The following EPCIP variants were observed in gnomAD, a reference collection of about 807,000 sequenced individuals.
EPCIP encodes the protein exosomal polycystin 1 interacting protein, also known as exosomal polycystin-1-interacting protein.
chr21:32,811,668 A>C, the EPCIP span, among the ~76,000 whole-genome samples: 1 of 152,194 alleles, frequency 6.6e-6, no homozygotes, highest in Non-Finnish European at 1.5e-5. Flanking sequence ...CTATATGTGT[A>C]TAGAACCCTC....
the EPCIP span, among the ~76,000 whole-genome samples, chr21:32,804,275 T>TTA: frequency 0.65 from 92,006 of 140,752 alleles, 30,573 homozygotes; most frequent in East Asian, 0.84. Flanking sequence ...ATGCATGTGA[T>TTA]TATATATATA....
chr21:32,809,890 A>G, the EPCIP span, among the ~76,000 whole-genome samples: 1 of 151,896 alleles, frequency 6.6e-6, no homozygotes, highest in African/African-American at 2.4e-5. Flanking sequence ...ACATCAGTCT[A>G]TTGTAAGATA....
chr21:32,809,292 C>CTTTCT, the EPCIP span, among the ~76,000 whole-genome samples: 2 of 116,264 alleles, frequency 1.7e-5, no homozygotes, highest in African/African-American at 6.2e-5. Context: ...TTCTTTCTTT[C>CTTTCT]TTTCTTTCTT....
chr21:32,811,790 G>A, the EPCIP span, among the ~76,000 whole-genome samples: 1 of 152,242 alleles, frequency 6.6e-6, no homozygotes, highest in Non-Finnish European at 1.5e-5. Flanking sequence ...CTTTAAGAGG[G>A]CGGTGCCCTC....
chr21:32,810,421 A>ATT, the EPCIP span, among the ~76,000 whole-genome samples: 34 of 122,608 alleles, frequency 2.8e-4, no homozygotes, highest in East Asian at 4.4e-3. Flanking sequence ...ATGCCCGGTA[A>ATT]TTTTTTTTTT....
the EPCIP span, chr21:32,813,569 A>C: frequency 2.1e-6 from 1 of 470,576 alleles, no homozygotes; most frequent in African/African-American, 2.0e-5. Flanking sequence ...TTTTTAAAAA[A>C]GAAGAACACA....
the EPCIP span, among the ~76,000 whole-genome samples, chr21:32,801,094 A>T: frequency 6.6e-6 from 1 of 152,190 alleles, no homozygotes. Context: ...CCACGAAGGA[A>T]CCGACGGCCC....
chr21:32,806,151 A>T, the EPCIP span, among the ~76,000 whole-genome samples: 1 of 152,156 alleles, frequency 6.6e-6, no homozygotes, highest in Non-Finnish European at 1.5e-5. Flanking sequence ...CTGAGATGTG[A>T]GGCACAAGTG....
chr21:32,800,461 A>G, the EPCIP span, among the ~76,000 whole-genome samples: 1 of 152,228 alleles, frequency 6.6e-6, no homozygotes, highest in Non-Finnish European at 1.5e-5. Flanking sequence ...GTTTTTAAAC[A>G]TGTCCAGTGA....
chr21:32,804,320 A>G, the EPCIP span, among the ~76,000 whole-genome samples: 84 of 148,474 alleles, frequency 5.7e-4, no homozygotes, highest in African/African-American at 2.1e-3. Context: ...TTATTTATTT[A>G]TTTTGTTTAG....
the EPCIP span, among the ~76,000 whole-genome samples, chr21:32,804,079 A>G: frequency 2.0e-5 from 3 of 152,176 alleles, no homozygotes; most frequent in African/African-American, 7.2e-5. Flanking sequence ...GGAATTATGC[A>G]GGCAAAATTA....
the EPCIP span, among the ~76,000 whole-genome samples, chr21:32,802,863 C>T: frequency 6.6e-6 from 1 of 152,186 alleles, no homozygotes; most frequent in African/African-American, 2.4e-5. Flanking sequence ...CTCACTGCAA[C>T]CTCCCACTCC....
chr21:32,804,581 C>T, the EPCIP span, among the ~76,000 whole-genome samples: 7 of 151,932 alleles, frequency 4.6e-5, 1 homozygote, highest in Admixed American at 3.3e-4. Flanking sequence ...TATTACCATG[C>T]TCTGTGAGGG....
chr21:32,806,505 A>G, the EPCIP span, among the ~76,000 whole-genome samples: 1 of 152,230 alleles, frequency 6.6e-6, no homozygotes, highest in Non-Finnish European at 1.5e-5. Flanking sequence ...GGAGGAGGCA[A>G]GGACCTGTAT....
At chr21:32,812,242 G>C in the EPCIP span, among the ~76,000 whole-genome samples, 1 of 152,180 alleles carries the variant, frequency 6.6e-6, no homozygotes, top group African/African-American at 2.4e-5. Context: ...TTCCCCTTGA[G>C]TGACTTGGTA....
At chr21:32,793,677 C>A in the EPCIP span, 1 of 1,245,864 alleles carries the variant, frequency 8.0e-7, no homozygotes, top group Admixed American at 1.7e-5. Context: ...GTAGGGATAC[C>A]TATCTCACGG....
the EPCIP span, among the ~76,000 whole-genome samples, chr21:32,809,308 C>CTTTCTTTCTTTCTTTCT: frequency 7.6e-6 from 1 of 131,960 alleles, no homozygotes; most frequent in Non-Finnish European, 1.6e-5. Flanking sequence ...TTCTTTCTTT[C>CTTTCTTTCTTTCTTTCT]TTTCTTTCTT....
the EPCIP span, among the ~76,000 whole-genome samples, chr21:32,810,972 G>A: frequency 2.0e-5 from 3 of 152,294 alleles, no homozygotes; most frequent in South Asian, 6.2e-4. Flanking sequence ...CATGTATGTT[G>A]TATACTGAAA....
the EPCIP span, chr21:32,793,516 C>T: frequency 8.7e-6 from 5 of 573,702 alleles, no homozygotes; most frequent in South Asian, 2.1e-5. Flanking sequence ...AAGACATGTC[C>T]CTGGACGGAA....
Sources: allele counts gnomAD v4.1 joint callset (sites outside exome capture counted in the v4.1 genomes callset), GRCh38; gene constraint gnomAD v4.1.1; transcripts MANE v1.5; gene names NCBI Gene and HGNC (gene_info 2026-07-23, HGNC 2026-07-21).